CENPM: variants seen among roughly 807,000 people sequenced by gnomAD.
CENPM encodes the protein interphase centromere complex protein 39.
Under a neutral mutation model 19.6 loss-of-function variants are expected in CENPM, and 14 were observed. The ratio of observed to expected loss-of-function variants is 0.71; its 90% CI spans 0.47 to 1.11. The LOEUF (loss-of-function observed/expected upper bound fraction) is 1.11, where lower values mean the gene tolerates loss of function less well. CENPM is among the 50% of genes most tolerant of loss of function. CENPM has a pLI of 0.00. For synonymous variants in CENPM, 114 were observed against 101.5 expected (o/e 1.12, Z -0.74); for missense variants, 239 against 228.4 (o/e 1.05, Z -0.30).
intron 2 of CENPM, 124 bp from the exon 3 acceptor site, chr22:41,946,129 G>A (rs1235254901): frequency 3.5e-6 from 3 of 845,128 alleles, no homozygotes; most frequent in South Asian, 2.9e-5. Flanking sequence ...GCCACCCGAG[G>A]CTCTTGTGGC....
Position 41,939,101 on chromosome 22 carries a change from C to G in CENPM, c.498G>C (p.Leu166=), listed in dbSNP as rs2077701098. 6.2e-7 allele frequency: 1 copy of G among 1,612,954 alleles called. No homozygotes were observed. The highest frequency in any genetic ancestry group is 8.5e-7 in the Non-Finnish European group (1 of 1,180,000). Reference sequence around the variant, plus strand: ...GGCCCTCAGAGCTTCTCAGCAGGGACAGCAGGTTCAGAGCTGAGACACCGG... The same window carrying G: ...GGCCCTCAGAGCTTCTCAGCAGGGAGAGCAGGTTCAGAGCTGAGACACCGG... ...HVPGVSALNL[L]SLLRSSEGPS... is the part of the protein sequence containing the mutation. The change falls in exon 6 of 6, where the codon CTG becomes CTC. Residue 166 remains leucine, a synonymous_variant. Transcript: ENST00000215980.
chr22:41,947,098 T>A lies in CENPM; in HGVS notation c.-22A>T, dbSNP rs1315266943. 1 of 1,612,150 alleles carries A rather than the reference T, an allele frequency of 6.2e-7. No homozygotes were observed. The highest frequency in any genetic ancestry group is 8.5e-7 in the Non-Finnish European group (1 of 1,179,410). On this transcript the variant is annotated 5_prime_UTR_variant, in exon 1 of 6. Transcript: ENST00000215980. The stretch of plus-strand genomic sequence containing the variant: ...ACATCACAGCCGCAGGACCAACCGT[T>A]GCTCCTGCGGTGCGCGCCGATCTTT...
At chr22:41,945,442 C>T (rs2146616473) in intron 3 of CENPM, 138 bp from the exon 4 acceptor site, 1 of 1,363,756 alleles carries the variant, frequency 7.3e-7, no homozygotes, top group Non-Finnish European at 9.7e-7. Flanking sequence ...AATATTTGTC[C>T]TTTAATTTTT....
At chr22:41,942,005 A>G (rs1426070045) in intron 5 of CENPM, among the ~76,000 whole-genome samples, 2 of 152,190 alleles carry the variant, frequency 1.3e-5, no homozygotes, top group Non-Finnish European at 2.9e-5. Context: ...GTGCCCTGAC[A>G]CCAGGATAAG....
At chr22:41,933,096 C>G in the CENPM span, among the ~76,000 whole-genome samples, 1 of 152,104 alleles carries the variant, frequency 6.6e-6, no homozygotes, top group Non-Finnish European at 1.5e-5. Flanking sequence ...GACCTCGGAA[C>G]AGAGGACAGG....
downstream of CENPM, among the ~76,000 whole-genome samples, chr22:41,933,849 G>T (rs569901656): frequency 1.3e-5 from 2 of 152,202 alleles, no homozygotes; most frequent in African/African-American, 4.8e-5. Context: ...TGGGTTGGGG[G>T]CAACTGTAAC....
rs1234417325 is a variant in CENPM, at chr22:41,945,895, C to A, written c.230+18G>T. 3.1e-6 allele frequency: 5 copies of A among 1,604,836 alleles called. No homozygotes were observed. The highest frequency in any genetic ancestry group is 4.3e-6 in the Non-Finnish European group (5 of 1,172,668). ...CAGGCCTGCCTGAGCCCTGACTGCC[C>A]CTTCCTCTGGCTCTCACCTGTATTT... On this transcript the variant is annotated intron_variant, in intron 3 of 5. Transcript: ENST00000215980.
At chr22:41,942,927 C>T (rs1027630066) in intron 5 of CENPM, among the ~76,000 whole-genome samples, 2 of 151,638 alleles carry the variant, frequency 1.3e-5, no homozygotes, top group Non-Finnish European at 2.9e-5. Flanking sequence ...AGAGCAAGAC[C>T]TTATCTAAAA....
At chr22:41,943,195 C>T (rs1008049746) in intron 5 of CENPM, among the ~76,000 whole-genome samples, 1 of 152,084 alleles carries the variant, frequency 6.6e-6, no homozygotes, top group African/African-American at 2.4e-5. Flanking sequence ...CAAGGATGCA[C>T]CAGTTAAAGA....
chr22:41,940,503 A>G (rs1043697632), intron 5 of CENPM, among the ~76,000 whole-genome samples: 3 of 152,114 alleles, frequency 2.0e-5, no homozygotes, highest in African/African-American at 7.2e-5. Flanking sequence ...CTTGTGCTTC[A>G]GCCCCCTGAG....
chr22:41,938,363 CTTT>C (rs564451166), downstream of CENPM, among the ~76,000 whole-genome samples: 2 of 94,418 alleles, frequency 2.1e-5, no homozygotes, highest in Non-Finnish European at 3.9e-5. Flanking sequence ...GCTGGTCTCG[CTTT>C]TTTTTTTTTT....
chr22:41,945,413 G>A (rs777294895), intron 3 of CENPM, 109 bp from the exon 4 acceptor site: 50 of 1,529,132 alleles, frequency 3.3e-5, no homozygotes, highest in Middle Eastern at 1.7e-4. Context: ...AATGACAAGA[G>A]GGTGACTTTC....
intron 5 of CENPM, among the ~76,000 whole-genome samples, chr22:41,941,689 C>A (rs1182942108): frequency 6.6e-6 from 1 of 152,230 alleles, no homozygotes; most frequent in Non-Finnish European, 1.5e-5. Context: ...CCTGTTCTCT[C>A]TGGGAGGAAA....
the CENPM span, among the ~76,000 whole-genome samples, chr22:41,933,551 G>T: frequency 6.6e-6 from 1 of 152,110 alleles, no homozygotes; most frequent in Non-Finnish European, 1.5e-5. Flanking sequence ...GGGGCTCTGG[G>T]AAGTACCTAC....
At chr22:41,935,728 C>T (rs1192405254), downstream of CENPM, among the ~76,000 whole-genome samples, 1 of 152,226 alleles carries the variant, frequency 6.6e-6, no homozygotes, top group Non-Finnish European at 1.5e-5. Flanking sequence ...TATCCTGCCA[C>T]CCCCTGCCCT....
At chr22:41,945,447 ATTTTTT>A in intron 3 of CENPM, 143 bp from the exon 4 acceptor site, 18 of 1,099,668 alleles carry the variant, frequency 1.6e-5, no homozygotes, top group Middle Eastern at 5.6e-4. Context: ...TTGTCCTTTA[ATTTTTT>A]TTTTTTTTTT....
At position 41,946,016 on chromosome 22, in the gene CENPM, G is replaced by A. The variant is rs1245091710; in HGVS notation, c.138-11C>T. On this transcript the variant is annotated splice_polypyrimidine_tract_variant and intron_variant, in intron 2 of 5. Coordinates refer to ENST00000215980, the MANE Select transcript of CENPM (RefSeq NM_024053.5). Reference sequence around the variant, plus strand: ...GACTTTGCCAAGTGGCTGAAAAACAGGAAATTGCAGGACTCAAGATATCCG... The same window carrying A: ...GACTTTGCCAAGTGGCTGAAAAACAAGAAATTGCAGGACTCAAGATATCCG... 1.2e-6 allele frequency: 2 copies of A among 1,607,146 alleles called. No homozygotes were observed. Among genetic ancestry groups the A allele is most frequent in the South Asian group, 2.2e-5 (2 of 90,796 alleles).
At chr22:41,932,646 C>A in the CENPM span, among the ~76,000 whole-genome samples, 1 of 152,224 alleles carries the variant, frequency 6.6e-6, no homozygotes, top group Non-Finnish European at 1.5e-5. The surrounding 1 kb of genome is among the most constrained non-coding windows in gnomAD (Gnocchi z 4.3). Flanking sequence ...CATGGGCCCT[C>A]CATGTGAGAC....
chr22:41,946,371 T>C (rs1451242136), intron 2 of CENPM, 46 bp downstream of exon 2: 3 of 1,529,798 alleles, frequency 2.0e-6, no homozygotes, highest in East Asian at 2.3e-5. Context: ...CGAATCCCTC[T>C]GGAGTGAGAG....
Sources: gnomAD v4.1 joint callset for allele counts (sites outside exome capture counted in the v4.1 genomes callset) on GRCh38, gnomAD v4.1.1 for gene constraint, Gnocchi (gnomAD v3.1) non-coding constraint, MANE v1.5 for transcripts, NCBI Gene and HGNC (gene_info 2026-07-23, HGNC 2026-07-21) for gene names.